Variants in CNTN5 observed in about 807,000 individuals in gnomAD.
The protein encoded by CNTN5 is contactin 5.
CNTN5 carries 77 observed loss-of-function variants against 129.1 expected under a neutral mutation model. The ratio of observed to expected loss-of-function variants is 0.60; its 90% CI spans 0.50 to 0.72. CNTN5 has a LOEUF of 0.72. CNTN5 is among the 30% of genes least tolerant of loss of function. CNTN5 has a pLI of 0.00. For missense variants in CNTN5, 1,478 were observed against 1,328.8 expected, an observed-to-expected ratio of 1.11 and a Z score of -1.75; for synonymous variants, 509 against 465.6, an observed-to-expected ratio of 1.09 and a Z score of -1.20.
intron 1 of CNTN5, among the ~76,000 whole-genome samples, chr11:99,218,162 G>T (rs1360469336): frequency 6.6e-6 from 1 of 152,056 alleles, no homozygotes; most frequent in Non-Finnish European, 1.5e-5. Context: ...CCTCGTGTAT[G>T]AAGGTTATTT....
At chr11:99,847,463 A>G (rs80293261) in intron 6 of CNTN5, among the ~76,000 whole-genome samples, 1,712 of 152,300 alleles carry the variant, frequency 0.011, 23 homozygotes, top group African/African-American at 0.038. Flanking sequence ...ATGGGCTTAC[A>G]TAGGTATTCA....
At position 99,999,101 on chromosome 11, in the gene CNTN5, G is replaced by A. The variant is rs1466857323; in HGVS notation, c.878-2933G>A. On this transcript the variant is annotated intron_variant, in intron 8 of 24. Transcript: ENST00000524871. ...CATTCAGGACACAGGCATGGGCAAG[G>A]ACTTCATGTCTAAAACACCAAAAGC... Among the ~76,000 whole-genome samples, 10 of 152,024 alleles carry A rather than the reference G, an allele frequency of 6.6e-5. No individual in the cohort carries two copies. In the East Asian group the frequency reaches 1.4e-3, roughly 21 times the overall value.
chr11:100,203,656 C>A (rs1948837975), intron 15 of CNTN5, among the ~76,000 whole-genome samples: 1 of 151,834 alleles, frequency 6.6e-6, no homozygotes, highest in African/African-American at 2.4e-5. Flanking sequence ...TTCCTGGAGT[C>A]AAAGTCCTAT....
At chr11:99,082,620 A>T (rs939401500) in intron 1 of CNTN5, among the ~76,000 whole-genome samples, 2 of 152,190 alleles carry the variant, frequency 1.3e-5, no homozygotes, top group South Asian at 4.1e-4. Context: ...ATATTTCCCA[A>T]TTCTTTGGCC....
intron 2 of CNTN5, among the ~76,000 whole-genome samples, chr11:99,551,341 AC>A (rs778901140): frequency 1.3e-5 from 2 of 152,168 alleles, no homozygotes; most frequent in Non-Finnish European, 2.9e-5. Flanking sequence ...TTAACTCAGT[AC>A]CAGTCCCAAT....
chr11:99,112,448 CAAAG>C (rs1565326616), intron 1 of CNTN5, among the ~76,000 whole-genome samples: 1 of 151,856 alleles, frequency 6.6e-6, no homozygotes, highest in Non-Finnish European at 1.5e-5. Flanking sequence ...AGTATAAAAA[CAAAG>C]ATTTATTAAA....
At chr11:99,550,541 T>C (rs1948448064) in intron 2 of CNTN5, among the ~76,000 whole-genome samples, 1 of 152,122 alleles carries the variant, frequency 6.6e-6, no homozygotes. Flanking sequence ...CAAAGAGTCA[T>C]GGTTGAGATG....
chr11:99,988,922 A>C (rs1487019199), intron 8 of CNTN5, among the ~76,000 whole-genome samples: 1 of 151,782 alleles, frequency 6.6e-6, no homozygotes, highest in Non-Finnish European at 1.5e-5. Flanking sequence ...AAGTCACCTT[A>C]ATATTATTTG....
chr11:99,661,719 AAATCT>A (rs957606118), intron 3 of CNTN5, among the ~76,000 whole-genome samples: 9 of 152,116 alleles, frequency 5.9e-5, no homozygotes, highest in African/African-American at 2.2e-4. Context: ...TAACTTTAAA[AAATCT>A]AATATAAATG....
rs981595261 is a variant in CNTN5, at chr11:99,851,932, T to A, written c.577+6670T>A. 2.0e-5 allele frequency among the ~76,000 whole-genome samples: 3 copies of A among 152,322 alleles called. No individual in the cohort carries two copies. In the South Asian group the frequency reaches 6.2e-4, roughly 32 times the overall value. On this transcript the variant is annotated intron_variant, in intron 6 of 24. Transcript: ENST00000524871. ...TTAAAACCACATTTTACTAGTAGTG[T>A]TTAATACCTAATAAAATGATTTGAA...
intron 2 of CNTN5, among the ~76,000 whole-genome samples, chr11:99,405,341 G>A (rs1942025651): frequency 6.6e-6 from 1 of 151,732 alleles, no homozygotes; most frequent in Non-Finnish European, 1.5e-5. Flanking sequence ...TAACTCTTAG[G>A]TTTGCCTTTT....
intron 16 of CNTN5, among the ~76,000 whole-genome samples, chr11:100,228,597 G>A (rs534522163): frequency 5.3e-5 from 8 of 152,166 alleles, no homozygotes; most frequent in South Asian, 2.1e-4. Flanking sequence ...AATTTTGGCC[G>A]TTTTGTCAAT....
intron 2 of CNTN5, among the ~76,000 whole-genome samples, chr11:99,408,963 C>G (rs750834702): frequency 2.0e-5 from 3 of 152,098 alleles, no homozygotes; most frequent in Non-Finnish European, 4.4e-5. Context: ...TCAACTTTCT[C>G]TCTTGGTGAA....
chr11:99,493,507 C>A (rs1219483071), intron 2 of CNTN5, among the ~76,000 whole-genome samples: 1 of 152,144 alleles, frequency 6.6e-6, no homozygotes, highest in Admixed American at 6.5e-5. Context: ...AATTCCAAAT[C>A]TTGAAAATAA....
chr11:99,790,417 G>T (rs917972247), intron 3 of CNTN5, among the ~76,000 whole-genome samples: 9 of 151,952 alleles, frequency 5.9e-5, no homozygotes, highest in African/African-American at 2.2e-4. Flanking sequence ...GTAAGACCAT[G>T]CTGTATTTGG....
At chr11:99,544,334 A>G (rs1344702852) in intron 2 of CNTN5, among the ~76,000 whole-genome samples, 1 of 152,222 alleles carries the variant, frequency 6.6e-6, no homozygotes, top group Non-Finnish European at 1.5e-5. Flanking sequence ...TTTAGAGGTT[A>G]CAACATCAAA....
chr11:100,272,807 C>A (rs1428619482), intron 18 of CNTN5, among the ~76,000 whole-genome samples: 1 of 152,148 alleles, frequency 6.6e-6, no homozygotes, highest in Non-Finnish European at 1.5e-5. Flanking sequence ...ACTCTTGCCA[C>A]AGGCCTCTGG....
At chr11:99,237,381 T>C (rs1207535955) in intron 1 of CNTN5, among the ~76,000 whole-genome samples, 1 of 152,164 alleles carries the variant, frequency 6.6e-6, no homozygotes, top group Admixed American at 6.5e-5. Flanking sequence ...ATTTACTTAG[T>C]CATTTAATAA....
chr11:99,417,855 G>C (rs1483215788), intron 2 of CNTN5, among the ~76,000 whole-genome samples: 4 of 152,018 alleles, frequency 2.6e-5, no homozygotes, highest in African/African-American at 9.7e-5. Flanking sequence ...TCCCCATTTT[G>C]GTGAGTTGAA....
Sources: allele counts gnomAD v4.1 joint callset (sites outside exome capture counted in the v4.1 genomes callset), GRCh38; gene constraint gnomAD v4.1.1; transcripts MANE v1.5; gene names NCBI Gene and HGNC (gene_info 2026-07-23, HGNC 2026-07-21).